The following NRG2 variants were observed in gnomAD, a reference collection of about 807,000 sequenced individuals.
The protein encoded by NRG2 is neuregulin 2.
In NRG2, 27 loss-of-function variants were observed where a neutral mutation model predicts 73.9. That is an observed-to-expected ratio of 0.37 (90% CI 0.27 to 0.50). The LOEUF (loss-of-function observed/expected upper bound fraction) is 0.50. Among genes scored for constraint, NRG2 ranks in the 20% least tolerant of loss-of-function variants. The probability of loss-of-function intolerance (pLI) is 0.96; values close to 1 mark genes in which losing one functional copy is unlikely to be tolerated. For missense variants in NRG2, 1,126 were observed against 1,210.1 expected (o/e 0.93, Z 1.03); for synonymous variants, 532 against 541.0 (o/e 0.98, Z 0.23).
At chr5:140,041,376 A>G (rs894511633) in intron 1 of NRG2, among the ~76,000 whole-genome samples, 1 of 152,202 alleles carries the variant, frequency 6.6e-6, no homozygotes, top group African/African-American at 2.4e-5. Context: ...ATATCTTACT[A>G]AGAAGTAAGT....
intron 1 of NRG2, among the ~76,000 whole-genome samples, chr5:140,005,503 G>T (rs1758825499): frequency 6.6e-6 from 1 of 152,170 alleles, no homozygotes; most frequent in Non-Finnish European, 1.5e-5. Flanking sequence ...GCAAGCTTTT[G>T]GTCTCACAAC....
chr5:140,043,242 T>G lies in NRG2; in HGVS notation c.-173A>C. On this transcript the variant is annotated 5_prime_UTR_variant, in exon 1 of 10. Coordinates refer to ENST00000361474, the MANE Select transcript of NRG2 (RefSeq NM_004883.3). The surrounding 1 kb of genome is among the most constrained non-coding windows in gnomAD (Gnocchi z 6.7). ...GGGGCAGGCGGCAAGCGGGCCGCGA[T>G]GCGCAGCGCGGCGCAGCGCAGCGCT... 14 of 633,148 alleles carry G rather than the reference T, an allele frequency of 2.2e-5. No homozygotes were observed. Among genetic ancestry groups the G allele is most frequent in the Admixed American group, 3.3e-5 (1 of 30,092 alleles). 39.2% of individuals were successfully genotyped at this position (633,148 alleles called of 1,614,324 possible). A position where few individuals can be genotyped will look rare whatever the true frequency, so the allele number is the denominator to read the frequency against.
At chr5:139,880,448 C>A (rs1018655488) in intron 3 of NRG2, among the ~76,000 whole-genome samples, 4 of 152,144 alleles carry the variant, frequency 2.6e-5, no homozygotes, top group South Asian at 2.1e-4. Context: ...GTGGAGATGG[C>A]TGCCTGTGCT....
At chr5:140,024,485 G>A (rs1274273922) in intron 1 of NRG2, among the ~76,000 whole-genome samples, 4 of 152,296 alleles carry the variant, frequency 2.6e-5, no homozygotes, top group African/African-American at 7.2e-5. Flanking sequence ...TCGATCTCCT[G>A]ACCTCGTGAT....
intron 1 of NRG2, among the ~76,000 whole-genome samples, chr5:139,938,931 AAG>A (rs1660581079): frequency 1.4e-5 from 2 of 144,906 alleles, no homozygotes. Flanking sequence ...GAAAGAAAGA[AAG>A]AAAGAAAGAA....
intron 3 of NRG2, among the ~76,000 whole-genome samples, chr5:139,873,813 G>C (rs568070764): frequency 6.6e-6 from 1 of 152,378 alleles, no homozygotes; most frequent in East Asian, 1.9e-4. Context: ...CGGGGCCACA[G>C]TTGCACACTT....
intron 1 of NRG2, among the ~76,000 whole-genome samples, chr5:139,913,101 A>G (rs2431384): frequency 0.25 from 37,680 of 152,118 alleles, 6,421 homozygotes; most frequent in African/African-American, 0.49. Context: ...GGGAAGTGGC[A>G]TGCACACACA....
chr5:139,916,132 T>C (rs527426917), intron 1 of NRG2, among the ~76,000 whole-genome samples: 1 of 152,230 alleles, frequency 6.6e-6, no homozygotes, highest in African/African-American at 2.4e-5. Context: ...TGTTTAACAA[T>C]GGGGTGTAGC....
intron 1 of NRG2, among the ~76,000 whole-genome samples, chr5:139,920,935 A>G (rs1439799948): frequency 6.6e-6 from 1 of 152,236 alleles, no homozygotes; most frequent in Non-Finnish European, 1.5e-5. Flanking sequence ...ACAAAAGTCA[A>G]TCACTTTCCT....
At chr5:139,863,518 GA>G (rs1296052402) in intron 5 of NRG2, among the ~76,000 whole-genome samples, 2 of 152,254 alleles carry the variant, frequency 1.3e-5, no homozygotes, top group Non-Finnish European at 1.5e-5. Flanking sequence ...AGAGGCCTTG[GA>G]TAGCGGCCCG....
intron 1 of NRG2, among the ~76,000 whole-genome samples, chr5:139,938,911 A>G (rs1249669960): frequency 6.7e-5 from 7 of 104,294 alleles, no homozygotes; most frequent in South Asian, 3.2e-4. Context: ...AAAGAAAAGA[A>G]AGAAAGAAAG....
chr5:139,935,971 A>G (rs1561691166), intron 1 of NRG2, among the ~76,000 whole-genome samples: 1 of 151,290 alleles, frequency 6.6e-6, no homozygotes, highest in Admixed American at 6.6e-5. Flanking sequence ...AAAAAAAAAA[A>G]AAAAGAAAGA....
chr5:139,961,104 C>G (rs1283878088), intron 1 of NRG2, among the ~76,000 whole-genome samples: 1 of 152,238 alleles, frequency 6.6e-6, no homozygotes, highest in African/African-American at 2.4e-5. Flanking sequence ...ATGACAGAAC[C>G]AACACGCTTG....
chr5:139,932,246 G>C (rs1048953233), intron 1 of NRG2, among the ~76,000 whole-genome samples: 11 of 149,530 alleles, frequency 7.4e-5, no homozygotes, highest in Non-Finnish European at 1.0e-4. Flanking sequence ...GTGTGTGTGT[G>C]TGTGTGTGTG....
intron 1 of NRG2, among the ~76,000 whole-genome samples, chr5:140,011,125 T>C (rs952858880): frequency 3.3e-5 from 5 of 152,242 alleles, no homozygotes; most frequent in African/African-American, 9.6e-5. Flanking sequence ...ACTAAACTTC[T>C]CAGCATAGCC....
intron 4 of NRG2, among the ~76,000 whole-genome samples, chr5:139,866,678 G>A (rs528415728): frequency 8.5e-5 from 13 of 152,192 alleles, no homozygotes; most frequent in Admixed American, 4.6e-4. Flanking sequence ...TCACTGCCTG[G>A]ACCTGCCCTG....
intron 1 of NRG2, chr5:140,019,632 C>A (rs1198577551): frequency 3.9e-5 from 6 of 152,110 alleles, no homozygotes; most frequent in Admixed American, 3.9e-4. Flanking sequence ...CAAATTAGCT[C>A]CATTATAACT....
At chr5:139,884,052 A>G (rs912375558) in intron 2 of NRG2, among the ~76,000 whole-genome samples, 1 of 152,202 alleles carries the variant, frequency 6.6e-6, no homozygotes, top group African/African-American at 2.4e-5. Flanking sequence ...CTCTACACCC[A>G]GGAGAGGAGG....
At chr5:139,888,679 C>T (rs78758769) in intron 1 of NRG2, among the ~76,000 whole-genome samples, 81 of 152,166 alleles carry the variant, frequency 5.3e-4, no homozygotes, top group African/African-American at 1.8e-3. Flanking sequence ...GCTGCATATA[C>T]GCAGGGAGTA....
Sources: allele counts gnomAD v4.1 joint callset (sites outside exome capture counted in the v4.1 genomes callset), GRCh38; gene constraint gnomAD v4.1.1; non-coding constraint Gnocchi (gnomAD v3.1); transcripts MANE v1.5; gene names NCBI Gene and HGNC (gene_info 2026-07-23, HGNC 2026-07-21).